DENND4C: variants seen among roughly 807,000 people sequenced by gnomAD.
DENND4C encodes the protein DENN domain containing 4C.
A neutral mutation model predicts 203.0 loss-of-function variants in DENND4C; 108 were observed. That is an observed-to-expected ratio of 0.53 (90% CI 0.46 to 0.62). The LOEUF is 0.62. Among genes scored for constraint, DENND4C ranks in the 20% least tolerant of loss-of-function variants. The pLI, the probability that DENND4C is intolerant of heterozygous loss-of-function variation, is 0.00. For synonymous variants in DENND4C, 871 were observed against 792.4 expected (o/e 1.10, Z -1.67); for missense variants, 2,481 against 2,301.2 (o/e 1.08, Z -1.60).
chr9:19,334,432 A>AT (rs1563814075), intron 17 of DENND4C, among the ~76,000 whole-genome samples: 1 of 152,152 alleles, frequency 6.6e-6, no homozygotes, highest in Non-Finnish European at 1.5e-5. Context: ...TTAGTTACTC[A>AT]AACAAATGGA....
chr9:19,249,138 A>G (rs1305740558), intron 1 of DENND4C, among the ~76,000 whole-genome samples: 1 of 152,106 alleles, frequency 6.6e-6, no homozygotes, highest in African/African-American at 2.4e-5. Context: ...ATTATTTTCC[A>G]ACCGTAATAT....
chr9:19,252,306 C>G (rs935247037), intron 1 of DENND4C, among the ~76,000 whole-genome samples: 9 of 152,128 alleles, frequency 5.9e-5, no homozygotes, highest in African/African-American at 2.2e-4. Context: ...AAGACCCTCC[C>G]CTGTGATTCA....
At chr9:19,361,560 G>C (rs1826502366) in intron 29 of DENND4C, among the ~76,000 whole-genome samples, 1 of 152,158 alleles carries the variant, frequency 6.6e-6, no homozygotes, top group African/African-American at 2.4e-5. Context: ...AGAACCTCTT[G>C]CACTTTGACC....
At position 19,346,556 on chromosome 9, in the gene DENND4C, G is replaced by A. The variant is rs61756711; in HGVS notation, c.3787G>A (p.Gly1263Arg). ...TCTTTTAGCCACTGAATGTACAGGA[G>A]GAAAAACTCCTGATTCTGAAGATAA... ...LSLLATECTG[G>R]KTPDSEDKLF... Residue 1263 changes from glycine (G) to arginine (R), a missense_variant, in exon 23 of 33, where the codon GGA becomes AGA. Gly to Arg is a moderately radical substitution (Grantham distance 125). Transcript: ENST00000434457. 2.6e-3 allele frequency: 4,267 copies of A among 1,614,052 alleles called. 99 individuals are homozygous for A. In the African/African-American group the frequency reaches 0.05, roughly 19 times the overall value.
Position 19,334,981 on chromosome 9 carries a change from G to A in DENND4C, c.2465G>A (p.Cys822Tyr). 1 of 1,586,094 alleles carries A rather than the reference G, an allele frequency of 6.3e-7. No individual in the cohort carries two copies. The highest frequency in any genetic ancestry group is 8.5e-7 in the Non-Finnish European group (1 of 1,171,048). ...KTDVDPLDEVCYRVVMQLCGL... is the reference protein window; with the variant it reads ...KTDVDPLDEVYYRVVMQLCGL... The stretch of plus-strand genomic sequence containing the variant: ...CTGATTTTTTTTTTTTGTTAGGTGT[G>A]CTATCGAGTAGTGATGCAGCTTTGT... Residue 822 changes from cysteine (C) to tyrosine (Y), a missense_variant, in exon 18 of 33, where the codon TGC becomes TAC. By Grantham distance (194) the Cys-to-Tyr change is radical (BLOSUM62 -2). Around this residue, in one of 3 missense-constraint regions of DENND4C, gnomAD observed 2,289 missense variants for 2,113.3 expected, o/e 1.08. Transcript: ENST00000434457.
chr9:19,241,101 A>G (rs1823586453), intron 1 of DENND4C, among the ~76,000 whole-genome samples: 1 of 152,186 alleles, frequency 6.6e-6, no homozygotes, highest in African/African-American at 2.4e-5. Flanking sequence ...TGGGCGAGTC[A>G]CTGAATGAGG....
chr9:19,340,924 GT>G, intron 20 of DENND4C, 67 bp from the exon 21 acceptor site: 1 of 1,285,188 alleles, frequency 7.8e-7, no homozygotes, highest in Non-Finnish European at 1.0e-6. Flanking sequence ...GAATTTTCTT[GT>G]GATTTTTATA....
At position 19,304,106 on chromosome 9, in the gene DENND4C, G is replaced by T. The variant is rs187208388; in HGVS notation, c.1312-1246G>T. Among the ~76,000 whole-genome samples, 471 of 142,800 alleles carry T rather than the reference G, an allele frequency of 3.3e-3. 3 individuals carry two copies. Among genetic ancestry groups the T allele is most frequent in the African/African-American group, 0.011 (438 of 39,676 alleles). 93.7% of individuals were successfully genotyped at this position (142,800 alleles called of 152,430 possible). The stretch of plus-strand genomic sequence containing the variant: ...GAAGTAAAGCTTTGTAAAGGAAAAT[G>T]GGTAAAGATTCTTGAGGAATGTTTT... On this transcript the variant is annotated intron_variant, in intron 9 of 32. Coordinates refer to ENST00000434457, the MANE Select transcript of DENND4C (RefSeq NM_001330640.2).
At chr9:19,366,247 C>A (rs926337865) in intron 30 of DENND4C, among the ~76,000 whole-genome samples, 3 of 152,122 alleles carry the variant, frequency 2.0e-5, no homozygotes, top group African/African-American at 4.8e-5. Flanking sequence ...AGCTGAAGTT[C>A]CAGAAATAAA....
chr9:19,347,152 T>C (rs1823102083), intron 23 of DENND4C, 66 bp downstream of exon 23: 9 of 1,429,836 alleles, frequency 6.3e-6, no homozygotes, highest in East Asian at 2.3e-5. Context: ...TCTAGAAATA[T>C]ATGTATTCTT....
chr9:19,309,545 AC>A (rs1645827860), intron 10 of DENND4C, among the ~76,000 whole-genome samples: 2 of 152,084 alleles, frequency 1.3e-5, no homozygotes, highest in African/African-American at 4.8e-5. Context: ...TCTTAATAAA[AC>A]TGTTTTAAAA....
intron 9 of DENND4C, among the ~76,000 whole-genome samples, chr9:19,301,936 A>G (rs890552346): frequency 6.6e-6 from 1 of 152,004 alleles, no homozygotes; most frequent in African/African-American, 2.4e-5. Context: ...ACTCCGTCTC[A>G]AAAAAAATAA....
rs146208083 is a variant in DENND4C, at chr9:19,323,686, C to T, written c.1808-676C>T. Among the ~76,000 whole-genome samples the T allele has an allele frequency of 2.6e-3, 391 of 152,160 alleles. 1 individual carries two copies. The highest frequency in any genetic ancestry group is 9.3e-3 in the African/African-American group (384 of 41,502). On this transcript the variant is annotated intron_variant, in intron 12 of 32. Transcript: ENST00000434457. ...ACACAATACAGAAATAATGGTCTTG[C>T]AACATTAAAGAGGAAGGACATTGAC...
chr9:19,345,808 G>C, intron 22 of DENND4C, 113 bp from the exon 23 acceptor site: 1 of 1,016,054 alleles, frequency 9.8e-7, no homozygotes, highest in Non-Finnish European at 1.4e-6. Flanking sequence ...TAAATTTTCT[G>C]GATCTTTTAT....
At chr9:19,263,418 A>G (rs557146068) in intron 1 of DENND4C, among the ~76,000 whole-genome samples, 4 of 152,128 alleles carry the variant, frequency 2.6e-5, no homozygotes, top group Non-Finnish European at 5.9e-5. Flanking sequence ...GTGCAATGGC[A>G]TGATCTCGGC....
chr9:19,304,059 A>C (rs1207796552), intron 9 of DENND4C, among the ~76,000 whole-genome samples: 12 of 151,540 alleles, frequency 7.9e-5, no homozygotes, highest in Middle Eastern at 6.8e-3. Flanking sequence ...AAAAAAAAAA[A>C]AAACCCACAA....
At chr9:19,360,143 C>T in intron 28 of DENND4C, 101 bp from the exon 29 acceptor site, 6 of 1,242,114 alleles carry the variant, frequency 4.8e-6, no homozygotes, top group Non-Finnish European at 6.8e-6. Flanking sequence ...CCTAAAATAA[C>T]TGATTTAAAA....
At chr9:19,306,804 G>A (rs1839772045) in intron 10 of DENND4C, among the ~76,000 whole-genome samples, 1 of 150,540 alleles carries the variant, frequency 6.6e-6, no homozygotes, top group African/African-American at 2.5e-5. Flanking sequence ...TTGAGACAGA[G>A]TCTCACTGTG....
intron 8 of DENND4C, 37 bp downstream of exon 8, chr9:19,299,324 T>C: frequency 7.1e-7 from 1 of 1,403,270 alleles, no homozygotes; most frequent in Non-Finnish European, 9.7e-7. Context: ...ATTTATTCAG[T>C]TGGAGCAGAA....
Sources: gnomAD v4.1 joint callset for allele counts (sites outside exome capture counted in the v4.1 genomes callset) on GRCh38, gnomAD v4.1.1 for gene constraint, gnomAD v4.1.1 regional missense constraint, MANE v1.5 for transcripts, NCBI Gene and HGNC (gene_info 2026-07-23, HGNC 2026-07-21) for gene names.